Variants in DNAH5 observed in about 807,000 individuals in gnomAD.
DNAH5 encodes axonemal beta dynein heavy chain 5.
A neutral mutation model predicts 518.2 loss-of-function variants in DNAH5; 372 were observed. That is an observed-to-expected ratio of 0.72 (90% confidence interval 0.66 to 0.78). The LOEUF (loss-of-function observed/expected upper bound fraction) is 0.78. Ranked by LOEUF, DNAH5 falls within the 30% of genes least tolerant of loss-of-function variation. The pLI is 0.00. For synonymous variants in DNAH5, 2,039 were observed against 2,025.9 expected, an observed-to-expected ratio of 1.01 and a Z score of -0.17; for missense variants, 5,523 against 5,687.0, an observed-to-expected ratio of 0.97 and a Z score of 0.93.
At chr5:13,896,462 T>C (rs1773926748) in intron 15 of DNAH5, 1 of 152,222 alleles carries the variant, frequency 6.6e-6, no homozygotes, top group Non-Finnish European at 1.5e-5. Flanking sequence ...TTTAAGATTA[T>C]AAACCACCAC....
chr5:13,917,863 G>C (rs2151988007), intron 7 of DNAH5, among the ~76,000 whole-genome samples: 1 of 152,236 alleles, frequency 6.6e-6, no homozygotes, highest in East Asian at 1.9e-4. Flanking sequence ...AATAATAGAA[G>C]GTAAATCTAT....
At chr5:13,832,581 T>C (rs1391617995) in intron 35 of DNAH5, among the ~76,000 whole-genome samples, 2 of 152,240 alleles carry the variant, frequency 1.3e-5, no homozygotes, top group African/African-American at 4.8e-5. Flanking sequence ...ACTTTATGTG[T>C]TTTAGTTGCC....
At chr5:13,989,901 T>C (rs1050381784) in intron 1 of DNAH5, among the ~76,000 whole-genome samples, 8 of 152,180 alleles carry the variant, frequency 5.3e-5, no homozygotes, top group African/African-American at 1.7e-4. Flanking sequence ...CATTACTCTA[T>C]ACCAGGCCCT....
chr5:13,989,705 G>C (rs967965015), intron 1 of DNAH5, among the ~76,000 whole-genome samples: 3 of 151,884 alleles, frequency 2.0e-5, no homozygotes, highest in Admixed American at 6.6e-5. Flanking sequence ...GGATGATCTC[G>C]ATCTCCTGAC....
At chr5:13,954,396 C>G (rs1186229451) in intron 1 of DNAH5, among the ~76,000 whole-genome samples, 3 of 152,176 alleles carry the variant, frequency 2.0e-5, no homozygotes, top group African/African-American at 7.2e-5. Flanking sequence ...AAAATATACC[C>G]TTTTATATGC....
At position 13,707,173 on chromosome 5, in the gene DNAH5, C is replaced by T. The variant is rs555037411; in HGVS notation, c.13338+950G>A. ...ACAGACACCGCTGACAGCGGGACGA[C>T]GTGGAATTTGCTCAGGCATGGTCAG... On this transcript the variant is annotated intron_variant, in intron 76 of 78. Transcript: ENST00000265104. The surrounding 1 kb of genome is among the most constrained non-coding windows in gnomAD (Gnocchi z 4.0). Among the ~76,000 whole-genome samples, 64 of 151,540 alleles carry T rather than the reference C, an allele frequency of 4.2e-4. No individual in the cohort carries two copies. Among genetic ancestry groups the T allele is most frequent in the African/African-American group, 1.3e-3 (52 of 41,284 alleles).
At chr5:13,921,757 C>CCCCA (rs1554104141) in intron 5 of DNAH5, among the ~76,000 whole-genome samples, 1 of 135,434 alleles carries the variant, frequency 7.4e-6, no homozygotes, top group Non-Finnish European at 1.5e-5. Context: ...CACACCCCCC[C>CCCCA]ACACACACAC....
At position 13,769,547 on chromosome 5, in the gene DNAH5, T is replaced by G; in HGVS notation, c.9674A>C (p.Glu3225Ala). The stretch of plus-strand genomic sequence containing the variant: ...CACTTGTAGCTCCTTTTCTTTCGCT[T>G]CCAGTTCTTTACTCAAGGCTGCAAC... ...ESVAALSKELEAKEKELQVAN... is the reference protein window; with the variant it reads ...ESVAALSKELAAKEKELQVAN... Residue 3225 changes from glutamate (E) to alanine (A), a missense_variant, in exon 57 of 79, where the codon GAA becomes GCA. By Grantham distance (107) the Glu-to-Ala change is moderately radical (BLOSUM62 -1). Coordinates refer to ENST00000265104, the MANE Select transcript of DNAH5 (RefSeq NM_001369.3). 1.2e-6 allele frequency: 2 copies of G among 1,614,144 alleles called. No homozygotes were observed. Among genetic ancestry groups the G allele is most frequent in the Middle Eastern group, 1.6e-4 (1 of 6,062 alleles).
rs182670525 is a variant in DNAH5 at position 13,800,641 on chromosome 5, C to T, written c.7888-6583G>A. 1.6e-4 allele frequency among the ~76,000 whole-genome samples: 24 copies of T among 152,298 alleles called. No homozygotes were observed. In the East Asian group the frequency reaches 4.4e-3, roughly 28 times the overall value. On this transcript the variant is annotated intron_variant, in intron 47 of 78. Transcript: ENST00000265104. ...TTGCCTTCCCTGACTGCAGTCAATC[C>T]TGGAAACTTCCTTATGACTCATACA... is the stretch of plus-strand genomic sequence containing the variant.
chr5:13,747,247 C>T (rs1195279463), intron 65 of DNAH5, among the ~76,000 whole-genome samples: 1 of 152,176 alleles, frequency 6.6e-6, no homozygotes, highest in Non-Finnish European at 1.5e-5. Context: ...CATAGTATTC[C>T]ATGGTGTATA....
At chr5:13,795,811 G>A (rs1366420725) in intron 47 of DNAH5, among the ~76,000 whole-genome samples, 1 of 152,142 alleles carries the variant, frequency 6.6e-6, no homozygotes, top group Non-Finnish European at 1.5e-5. Context: ...ATAAAATACT[G>A]GCAAACTGAA....
At chr5:13,982,343 G>T (rs941168806) in intron 1 of DNAH5, among the ~76,000 whole-genome samples, 6 of 141,418 alleles carry the variant, frequency 4.2e-5, no homozygotes, top group African/African-American at 1.5e-4. Flanking sequence ...TACACACGTA[G>T]ACATACGCAT....
intron 6 of DNAH5, among the ~76,000 whole-genome samples, chr5:13,919,831 A>C (rs1338601625): frequency 6.6e-6 from 1 of 152,186 alleles, no homozygotes; most frequent in African/African-American, 2.4e-5. Context: ...TAGCCATTGA[A>C]AGTAATGGCA....
intron 16 of DNAH5, 89 bp from the exon 17 acceptor site, chr5:13,891,210 A>G: frequency 7.3e-7 from 1 of 1,377,862 alleles, no homozygotes; most frequent in Admixed American, 1.7e-5. Context: ...TGACAGTAGT[A>G]AAATCAGCTT....
At chr5:13,971,728 A>C (rs1230196686) in intron 1 of DNAH5, among the ~76,000 whole-genome samples, 1 of 152,088 alleles carries the variant, frequency 6.6e-6, no homozygotes, top group Non-Finnish European at 1.5e-5. Context: ...AGTTTTGCTT[A>C]ATGTGCTGGT....
At chr5:13,760,939 G>A (rs552106129) in intron 60 of DNAH5, among the ~76,000 whole-genome samples, 2 of 152,340 alleles carry the variant, frequency 1.3e-5, no homozygotes, top group South Asian at 4.1e-4. Flanking sequence ...CTGTGTAACA[G>A]CATGTATTTT....
chr5:13,693,950 T>C (rs1174032665), intron 78 of DNAH5, among the ~76,000 whole-genome samples: 1 of 152,192 alleles, frequency 6.6e-6, no homozygotes, highest in Non-Finnish European at 1.5e-5. Flanking sequence ...AACAAGTAAA[T>C]GAATGACAAT....
chr5:13,814,541 A>G, intron 43 of DNAH5, 64 bp downstream of exon 43: 2 of 1,565,102 alleles, frequency 1.3e-6, no homozygotes, highest in Non-Finnish European at 1.8e-6. Context: ...TGGCACACAC[A>G]CTAAAAGAAT....
chr5:13,966,613 T>G (rs1418587690), intron 1 of DNAH5, among the ~76,000 whole-genome samples: 1 of 152,226 alleles, frequency 6.6e-6, no homozygotes, highest in East Asian at 1.9e-4. Flanking sequence ...TGATCATTAG[T>G]GATGTTGGGC....
Sources: gnomAD v4.1 joint callset for allele counts (sites outside exome capture counted in the v4.1 genomes callset) on GRCh38, gnomAD v4.1.1 for gene constraint, Gnocchi (gnomAD v3.1) non-coding constraint, MANE v1.5 for transcripts, NCBI Gene and HGNC (gene_info 2026-07-23, HGNC 2026-07-21) for gene names.